Variants in FUT8 observed in about 807,000 individuals in gnomAD.
FUT8 encodes alpha-(1,6)-fucosyltransferase.
In FUT8, 29 loss-of-function variants were observed where a neutral mutation model predicts 71.3. That is an observed-to-expected ratio of 0.41 (90% confidence interval 0.30 to 0.55). FUT8 has a LOEUF of 0.55. Among genes scored for constraint, FUT8 ranks in the 20% least tolerant of loss-of-function variants. The pLI, the probability that FUT8 is intolerant of heterozygous loss-of-function variation, is 0.34. For missense variants in FUT8, 544 were observed against 702.1 expected (o/e 0.77, Z 2.55); for synonymous variants, 254 against 239.3 (o/e 1.06, Z -0.57).
intron 6 of FUT8, among the ~76,000 whole-genome samples, chr14:65,653,071 C>T (rs892896143): frequency 6.6e-6 from 1 of 152,088 alleles, no homozygotes; most frequent in Non-Finnish European, 1.5e-5. Context: ...TATAACCTAG[C>T]CTCAGAAGTC....
intron 3 of FUT8, among the ~76,000 whole-genome samples, chr14:65,571,098 C>G (rs2140079717): frequency 6.6e-6 from 1 of 152,240 alleles, no homozygotes; most frequent in Middle Eastern, 3.4e-3. Context: ...ATTCTGGGTG[C>G]TGCTGGATTC....
chr14:65,614,116 A>C (rs1889158052), intron 3 of FUT8, among the ~76,000 whole-genome samples: 1 of 151,794 alleles, frequency 6.6e-6, no homozygotes, highest in African/African-American at 2.4e-5. Context: ...TGTGTCAAAA[A>C]AAAAAAAAAA....
At chr14:65,582,133 G>A (rs993771427) in intron 3 of FUT8, among the ~76,000 whole-genome samples, 2 of 152,136 alleles carry the variant, frequency 1.3e-5, no homozygotes, top group Admixed American at 6.5e-5. Flanking sequence ...AGTGTCACAT[G>A]ATGAGTTGAG....
chr14:65,668,903 A>G (rs1261090175), intron 6 of FUT8, among the ~76,000 whole-genome samples: 1 of 152,188 alleles, frequency 6.6e-6, no homozygotes, highest in Non-Finnish European at 1.5e-5. Flanking sequence ...GCTGGAGGCC[A>G]TTACCCTAAG....
intron 2 of FUT8, among the ~76,000 whole-genome samples, chr14:65,535,638 C>T (rs938063897): frequency 6.6e-5 from 10 of 151,944 alleles, no homozygotes; most frequent in East Asian, 5.8e-4. Context: ...TGCTGTGTTC[C>T]GAGAGAGTAG....
At chr14:65,697,653 G>A (rs1170116209) in intron 7 of FUT8, among the ~76,000 whole-genome samples, 1 of 152,166 alleles carries the variant, frequency 6.6e-6, no homozygotes, top group Non-Finnish European at 1.5e-5. Context: ...AAAGGAATAT[G>A]AGGCCAGGTG....
intron 1 of FUT8, among the ~76,000 whole-genome samples, chr14:65,451,148 G>A (rs1250185041): frequency 5.3e-5 from 8 of 152,152 alleles, no homozygotes; most frequent in Non-Finnish European, 7.4e-5. Context: ...GAGCCACTGC[G>A]CCTTGCCCCA....
Position 65,522,909 on chromosome 14 carries a change from T to G in FUT8, c.-227-38428T>G, listed in dbSNP as rs569202842. ...CCTACAAAGGACATGAACTCATCCT[T>G]TTTTATGGCTGCATAGTATTCCATG... is the stretch of plus-strand genomic sequence containing the variant. On this transcript the variant is annotated intron_variant, in intron 2 of 10. Coordinates refer to ENST00000673929, the MANE Select transcript of FUT8 (RefSeq NM_001371533.1). Among the ~76,000 whole-genome samples, 12 of 152,308 alleles carry G rather than the reference T, an allele frequency of 7.9e-5. No individual in the cohort carries two copies. The East Asian group carries it at 2.1e-3, about 27-fold the overall frequency.
the FUT8 span, among the ~76,000 whole-genome samples, chr14:65,398,352 A>G: frequency 5.5e-4 from 84 of 152,208 alleles, no homozygotes; most frequent in African/African-American, 1.9e-3. Flanking sequence ...GAAGACCAAG[A>G]CAGTACCAAC....
chr14:65,571,888 G>C (rs932105578), intron 3 of FUT8, among the ~76,000 whole-genome samples: 1 of 152,078 alleles, frequency 6.6e-6, no homozygotes, highest in Non-Finnish European at 1.5e-5. Flanking sequence ...GTACTGAAAA[G>C]TATAACCCCA....
At chr14:65,679,821 T>TA (rs1352241107) in intron 7 of FUT8, among the ~76,000 whole-genome samples, 1 of 152,194 alleles carries the variant, frequency 6.6e-6, no homozygotes, top group African/African-American at 2.4e-5. Flanking sequence ...TCTTATGCTC[T>TA]AAAAAAGGGC....
chr14:65,369,580 C>G, the FUT8 span, among the ~76,000 whole-genome samples: 1 of 152,130 alleles, frequency 6.6e-6, no homozygotes. This position sits in a 1 kb window ranked among gnomAD's most constrained non-coding sequence, Gnocchi z 4.6. Flanking sequence ...CCACCAAAAC[C>G]AAGATGGTGA....
chr14:65,725,055 A>C (rs1052364889), intron 9 of FUT8, among the ~76,000 whole-genome samples: 13 of 152,202 alleles, frequency 8.5e-5, no homozygotes, highest in Non-Finnish European at 1.5e-5. Context: ...TATCGTTTTG[A>C]TTTCACTGTC....
chr14:65,527,862 T>A (rs1883606383), intron 2 of FUT8, among the ~76,000 whole-genome samples: 1 of 152,184 alleles, frequency 6.6e-6, no homozygotes, highest in South Asian at 2.1e-4. Context: ...TGCAGAACAA[T>A]GCATATTGCT....
intron 1 of FUT8, among the ~76,000 whole-genome samples, chr14:65,434,737 A>C (rs2065529313): frequency 6.6e-6 from 1 of 152,204 alleles, no homozygotes; most frequent in Admixed American, 6.5e-5. Context: ...CAGCTGTATT[A>C]TCTCCAGAGG....
chr14:65,460,280 T>C (rs981777124), intron 2 of FUT8, among the ~76,000 whole-genome samples: 1 of 152,238 alleles, frequency 6.6e-6, no homozygotes, highest in Non-Finnish European at 1.5e-5. Context: ...GAAATCTGTT[T>C]AGCAAACAGC....
chr14:65,368,213 C>T, the FUT8 span, among the ~76,000 whole-genome samples: 2 of 151,444 alleles, frequency 1.3e-5, no homozygotes, highest in African/African-American at 2.4e-5. Context: ...GCCACCACGC[C>T]CGGCTAATTT....
chr14:65,696,890 TA>T lies in FUT8; in HGVS notation c.836-24877del, dbSNP rs981282509. Among the ~76,000 whole-genome samples, 13 of 152,290 alleles carry T rather than the reference TA, an allele frequency of 8.5e-5. No individual in the cohort carries two copies. The South Asian group carries it at 1.0e-3, about 12-fold the overall frequency. On this transcript the variant is annotated intron_variant, in intron 7 of 10. Coordinates refer to ENST00000673929, the MANE Select transcript of FUT8 (RefSeq NM_001371533.1). ...ATGGTGTTTTTTTATTTTTAGCATT[TA>T]AAAAAAATTTTTTTTCCTTGGAGTT...
chr14:65,561,589 G>A lies in FUT8; in HGVS notation c.26G>A (p.Arg9His), dbSNP rs751527986. Reference sequence around the variant, plus strand: ...ATGCGGCCATGGACTGGTTCCTGGCGTTGGATTATGCTCATTCTTTTTGCC... The same window carrying A: ...ATGCGGCCATGGACTGGTTCCTGGCATTGGATTATGCTCATTCTTTTTGCC... MRPWTGSW[R>H]WIMLILFAWG... Residue 9 changes from arginine (R) to histidine (H), a missense_variant, in exon 3 of 11, where the codon CGT becomes CAT. By Grantham distance (29) the Arg-to-His change is conservative. Coordinates refer to ENST00000673929, the MANE Select transcript of FUT8 (RefSeq NM_001371533.1). 3.1e-5 allele frequency: 50 copies of A among 1,613,320 alleles called. No individual in the cohort carries two copies. The highest frequency in any genetic ancestry group is 3.9e-5 in the Non-Finnish European group (46 of 1,179,516).
Sources: gnomAD v4.1 joint callset for allele counts (sites outside exome capture counted in the v4.1 genomes callset) on GRCh38, gnomAD v4.1.1 for gene constraint, Gnocchi (gnomAD v3.1) non-coding constraint, MANE v1.5 for transcripts, NCBI Gene and HGNC (gene_info 2026-07-23, HGNC 2026-07-21) for gene names.